Variants in CACNB4 observed in about 807,000 individuals in gnomAD.
The protein encoded by CACNB4 is calcium voltage-gated channel auxiliary subunit beta 4.
Under a neutral mutation model 71.2 loss-of-function variants are expected in CACNB4, and 32 were observed. The ratio of observed to expected loss-of-function variants is 0.45; its 90% CI spans 0.34 to 0.60. The LOEUF (loss-of-function observed/expected upper bound fraction) is 0.60. Among genes scored for constraint, CACNB4 ranks in the 20% least tolerant of loss-of-function variants. The probability of loss-of-function intolerance (pLI) is 0.01; values close to 1 mark genes in which losing one functional copy is unlikely to be tolerated. For synonymous variants in CACNB4, 231 were observed against 236.9 expected, an observed-to-expected ratio of 0.97 and a Z score of 0.23; for missense variants, 464 against 647.9, an observed-to-expected ratio of 0.72 and a Z score of 3.08.
intron 2 of CACNB4, among the ~76,000 whole-genome samples, chr2:152,013,042 T>C (rs921233912): frequency 1.3e-5 from 2 of 152,160 alleles, no homozygotes; most frequent in African/African-American, 4.8e-5. Context: ...TACAAACACT[T>C]ACTATTGTGT....
chr2:151,972,969 T>C (rs771340294), intron 2 of CACNB4: 2 of 152,218 alleles, frequency 1.3e-5, no homozygotes, highest in African/African-American at 2.4e-5. Context: ...AAGCTAGCAC[T>C]CTATGGTATG....
chr2:151,876,482 G>A lies in CACNB4; in HGVS notation c.465C>T (p.Leu155=), dbSNP rs2151429916. ...GCEIGFIPSP[L]RLENIRIQQE... ...GCTGGATCCGTATGTTCTCCAATCT[G>A]AGTGGACTTGGAATGAAGCCAATTT... is the stretch of plus-strand genomic sequence containing the variant. The change falls in exon 5 of 14, where the codon CTC becomes CTT. Residue 155 remains leucine, a synonymous_variant. Transcript: ENST00000539935. 6.2e-7 allele frequency: 1 copy of A among 1,605,356 alleles called. No individual in the cohort carries two copies. Among genetic ancestry groups the A allele is most frequent in the Non-Finnish European group, 8.5e-7 (1 of 1,174,046 alleles).
rs112095472 is a variant in CACNB4, at chr2:151,894,406, T to C, written c.148-11036A>G. 9.2e-3 allele frequency among the ~76,000 whole-genome samples: 1,394 copies of C among 152,218 alleles called. 17 individuals carry two copies. Among genetic ancestry groups the C allele is most frequent in the African/African-American group, 0.031 (1,305 of 41,524 alleles). Reference sequence around the variant, plus strand: ...TCAACACCCTTCATGATAGAAACTCTCAACAAATTAGGGATAAAAGGAACA... The same window carrying C: ...TCAACACCCTTCATGATAGAAACTCCCAACAAATTAGGGATAAAAGGAACA... On this transcript the variant is annotated intron_variant, in intron 2 of 13. Transcript: ENST00000539935.
chr2:151,853,573 T>A (rs138407099), intron 11 of CACNB4, 30 bp from the exon 12 acceptor site: 1 of 1,277,038 alleles, frequency 7.8e-7, no homozygotes, highest in Non-Finnish European at 1.1e-6. Flanking sequence ...ACCTGAGGTA[T>A]TGTAGATGAG....
chr2:152,000,589 T>C (rs1175176545), intron 2 of CACNB4, among the ~76,000 whole-genome samples: 1 of 152,182 alleles, frequency 6.6e-6, no homozygotes, highest in East Asian at 1.9e-4. Flanking sequence ...ACTAAATTCA[T>C]TACCAGCCCC....
chr2:151,989,955 TCTC>T (rs1296992557), intron 2 of CACNB4, among the ~76,000 whole-genome samples: 1 of 152,108 alleles, frequency 6.6e-6, no homozygotes, highest in Non-Finnish European at 1.5e-5. Flanking sequence ...CTTTTGAACC[TCTC>T]CTCTTTTTTC....
chr2:151,849,154 C>T (rs147453967), intron 12 of CACNB4, among the ~76,000 whole-genome samples: 147 of 152,282 alleles, frequency 9.7e-4, no homozygotes, highest in African/African-American at 3.4e-3. Flanking sequence ...CCATTTTCCC[C>T]ACTCATCTTA....
In CACNB4 at chr2:152,098,707, C is replaced by T; in HGVS notation, c.63+242G>A. 17 of 1,555,384 alleles carry T rather than the reference C, an allele frequency of 1.1e-5. No individual in the cohort carries two copies. Among genetic ancestry groups the T allele is most frequent in the Non-Finnish European group, 1.4e-5 (16 of 1,149,458 alleles). On this transcript the variant is annotated intron_variant, in intron 1 of 13. Coordinates refer to ENST00000539935, the MANE Select transcript of CACNB4 (RefSeq NM_000726.5). The surrounding 1 kb of genome is among the most constrained non-coding windows in gnomAD (Gnocchi z 5.3). ...CCCCGGCATCCGCTGGGGGAGGCTG[C>T]GGGCTCCGGAGCGGGAGCGCAGAGA...
intron 2 of CACNB4, among the ~76,000 whole-genome samples, chr2:151,916,265 C>G (rs1485928336): frequency 6.6e-6 from 1 of 152,148 alleles, no homozygotes; most frequent in Non-Finnish European, 1.5e-5. Context: ...ATTCTCTTAT[C>G]TCCTTTTTTA....
intron 2 of CACNB4, among the ~76,000 whole-genome samples, chr2:151,892,230 G>C (rs2099850888): frequency 6.6e-6 from 1 of 152,128 alleles, no homozygotes; most frequent in South Asian, 2.1e-4. Flanking sequence ...GGCCCCCAGA[G>C]TGGTTTACAA....
chr2:151,907,982 A>T (rs1519706), intron 2 of CACNB4, among the ~76,000 whole-genome samples: 5 of 152,154 alleles, frequency 3.3e-5, no homozygotes, highest in East Asian at 1.9e-4. Flanking sequence ...GGGTCACAGG[A>T]GGATTGAAAG....
At chr2:151,846,548 GTTTT>G (rs1310357938) in intron 12 of CACNB4, among the ~76,000 whole-genome samples, 1 of 151,808 alleles carries the variant, frequency 6.6e-6, no homozygotes, top group Non-Finnish European at 1.5e-5. Context: ...TTTGTTTTTT[GTTTT>G]GTTTTGTTTT....
intron 2 of CACNB4, among the ~76,000 whole-genome samples, chr2:151,904,271 A>G (rs2099854203): frequency 6.6e-6 from 1 of 152,226 alleles, no homozygotes; most frequent in African/African-American, 2.4e-5. Context: ...CTCACTATTT[A>G]TCTGCTGAAA....
intron 2 of CACNB4, among the ~76,000 whole-genome samples, chr2:152,013,925 T>C (rs1255857327): frequency 6.6e-6 from 1 of 152,214 alleles, no homozygotes; most frequent in Admixed American, 6.5e-5. Flanking sequence ...CACTTAGCAG[T>C]TCCATCTGTT....
intron 2 of CACNB4, among the ~76,000 whole-genome samples, chr2:151,895,359 C>A (rs1484518546): frequency 6.6e-6 from 1 of 152,106 alleles, no homozygotes; most frequent in Non-Finnish European, 1.5e-5. Flanking sequence ...CTCTGCTACT[C>A]TGGAGTCTAA....
intron 2 of CACNB4, among the ~76,000 whole-genome samples, chr2:152,008,712 C>A (rs892751192): frequency 5.3e-5 from 8 of 152,124 alleles, no homozygotes; most frequent in African/African-American, 1.7e-4. Flanking sequence ...CTCTCACTGC[C>A]ACTTAATATG....
At chr2:151,874,736 G>C (rs1426320395) in intron 5 of CACNB4, among the ~76,000 whole-genome samples, 1 of 152,168 alleles carries the variant, frequency 6.6e-6, no homozygotes, top group East Asian at 1.9e-4. Context: ...TTCTATTTTA[G>C]AACTTTCAAA....
intron 2 of CACNB4, among the ~76,000 whole-genome samples, chr2:152,083,017 A>G (rs895728929): frequency 3.9e-5 from 6 of 152,184 alleles, no homozygotes; most frequent in African/African-American, 1.4e-4. Flanking sequence ...GGAGGAGCAG[A>G]AGGAAGAAGT....
intron 2 of CACNB4, among the ~76,000 whole-genome samples, chr2:152,081,735 C>T (rs903294692): frequency 3.3e-5 from 5 of 151,910 alleles, no homozygotes; most frequent in Admixed American, 1.3e-4. Flanking sequence ...GTTAGTGCTT[C>T]GACATATGAT....
Sources: allele counts gnomAD v4.1 joint callset (sites outside exome capture counted in the v4.1 genomes callset), GRCh38; gene constraint gnomAD v4.1.1; non-coding constraint Gnocchi (gnomAD v3.1); transcripts MANE v1.5; gene names NCBI Gene and HGNC (gene_info 2026-07-23, HGNC 2026-07-21).